SCAND3: variants seen among roughly 807,000 people sequenced by gnomAD.
The protein encoded by SCAND3 is SCAN domain-containing protein 3.
At chr6:28,596,669 C>G in the SCAND3 span, among the ~76,000 whole-genome samples, 2,004 of 152,102 alleles carry the variant, frequency 0.013, 44 homozygotes, top group African/African-American at 0.044. Flanking sequence ...CAAGTAGAAA[C>G]TATTCAATAT....
chr6:28,607,438 T>C, the SCAND3 span, among the ~76,000 whole-genome samples: 1 of 152,190 alleles, frequency 6.6e-6, no homozygotes, highest in Non-Finnish European at 1.5e-5. Flanking sequence ...ATCAGCCTGG[T>C]TTCTTTGGAT....
the SCAND3 span, chr6:28,572,839 C>CTATT: frequency 6.2e-7 from 1 of 1,613,480 alleles, no homozygotes; most frequent in African/African-American, 1.3e-5. The surrounding 1 kb of genome is among the most constrained non-coding windows in gnomAD (Gnocchi z 4.1). Flanking sequence ...ATTAAGTACA[C>CTATT]TATTTAGTTC....
At chr6:28,573,682 T>G in the SCAND3 span, 1 of 1,610,988 alleles carries the variant, frequency 6.2e-7, no homozygotes, top group Non-Finnish European at 8.5e-7. Flanking sequence ...AGGATCATAT[T>G]TCCGAGTGAA....
the SCAND3 span, among the ~76,000 whole-genome samples, chr6:28,595,709 C>T: frequency 5.5e-5 from 8 of 145,952 alleles, no homozygotes; most frequent in East Asian, 2.0e-4. Flanking sequence ...GCAACAAGAG[C>T]GAAACTCCGT....
At chr6:28,607,580 G>C in the SCAND3 span, among the ~76,000 whole-genome samples, 2 of 151,344 alleles carry the variant, frequency 1.3e-5, no homozygotes, top group African/African-American at 4.9e-5. Context: ...ACAGCATGGA[G>C]GTGGAATAGC....
At chr6:28,615,696 C>G in the SCAND3 span, among the ~76,000 whole-genome samples, 1 of 151,744 alleles carries the variant, frequency 6.6e-6, no homozygotes, top group Non-Finnish European at 1.5e-5. Context: ...CGGAAGACAA[C>G]GATTATAATA....
the SCAND3 span, among the ~76,000 whole-genome samples, chr6:28,574,231 C>T: frequency 6.6e-6 from 1 of 152,138 alleles, no homozygotes; most frequent in South Asian, 2.1e-4. Flanking sequence ...ATATTTATTT[C>T]CTTATGGACT....
At chr6:28,574,263 C>T in the SCAND3 span, among the ~76,000 whole-genome samples, 1 of 152,132 alleles carries the variant, frequency 6.6e-6, no homozygotes, top group Non-Finnish European at 1.5e-5. Flanking sequence ...ACCAGTACTG[C>T]TCTACTGATC....
At chr6:28,613,493 G>A in the SCAND3 span, among the ~76,000 whole-genome samples, 1 of 152,184 alleles carries the variant, frequency 6.6e-6, no homozygotes, top group African/African-American at 2.4e-5. Context: ...GTTATAATCT[G>A]AGGTATCTTC....
chr6:28,583,679 G>A, the SCAND3 span, among the ~76,000 whole-genome samples: 1 of 152,170 alleles, frequency 6.6e-6, no homozygotes, highest in Non-Finnish European at 1.5e-5. Flanking sequence ...ATCATGCTGC[G>A]TTCTGCATTG....
the SCAND3 span, among the ~76,000 whole-genome samples, chr6:28,592,548 T>C: frequency 2.0e-5 from 3 of 152,164 alleles, no homozygotes; most frequent in African/African-American, 7.2e-5. This position sits in a 1 kb window ranked among gnomAD's most constrained non-coding sequence, Gnocchi z 4.1. Flanking sequence ...AACTCCAATG[T>C]CATATTTTAC....
At chr6:28,571,788 A>T in the SCAND3 span, 9 of 1,276,398 alleles carry the variant, frequency 7.1e-6, no homozygotes, top group Non-Finnish European at 8.3e-6. Flanking sequence ...TTTCACTCAT[A>T]ACTTCTCATA....
the SCAND3 span, among the ~76,000 whole-genome samples, chr6:28,600,026 T>C: frequency 6.6e-6 from 1 of 152,038 alleles, no homozygotes; most frequent in African/African-American, 2.4e-5. Context: ...CACAAAACTA[T>C]AGAATTTCTA....
the SCAND3 span, chr6:28,589,844 GTTT>G: frequency 1.6e-5 from 2 of 123,804 alleles, no homozygotes; most frequent in South Asian, 5.9e-4. Context: ...TCTTTTGTTT[GTTT>G]TTTTGTTTGT....
At chr6:28,607,780 TG>T in the SCAND3 span, among the ~76,000 whole-genome samples, 1 of 152,278 alleles carries the variant, frequency 6.6e-6, no homozygotes, top group South Asian at 2.1e-4. Context: ...TGAGACAGAA[TG>T]GATTGGCTGG....
chr6:28,606,903 C>A, the SCAND3 span, among the ~76,000 whole-genome samples: 1 of 152,248 alleles, frequency 6.6e-6, no homozygotes, highest in South Asian at 2.1e-4. Context: ...GCTTTGGCCT[C>A]CTGGGGCCTT....
At chr6:28,580,327 G>A in the SCAND3 span, among the ~76,000 whole-genome samples, 1 of 151,996 alleles carries the variant, frequency 6.6e-6, no homozygotes, top group Non-Finnish European at 1.5e-5. Flanking sequence ...GGTGGTGCAC[G>A]CCTGTAGTCC....
the SCAND3 span, among the ~76,000 whole-genome samples, chr6:28,597,410 G>C: frequency 6.6e-6 from 1 of 152,096 alleles, no homozygotes; most frequent in African/African-American, 2.4e-5. Context: ...TTAACCACTC[G>C]GCCACCTCGT....
the SCAND3 span, chr6:28,571,575 A>T: frequency 4.4e-6 from 1 of 224,774 alleles, no homozygotes. Context: ...TCCCATCCTG[A>T]AGTTGTCCTA....
Sources: allele counts gnomAD v4.1 joint callset (sites outside exome capture counted in the v4.1 genomes callset), GRCh38; gene constraint gnomAD v4.1.1; non-coding constraint Gnocchi (gnomAD v3.1); transcripts MANE v1.5; gene names NCBI Gene and HGNC (gene_info 2026-07-23, HGNC 2026-07-21).